SAMD9: variants seen among roughly 807,000 people sequenced by gnomAD.
SAMD9 encodes sterile alpha motif domain containing 9.
SAMD9 carries 3 observed loss-of-function variants against 1.5 expected under a neutral mutation model. That is an observed-to-expected ratio of 2.05 (90% CI 0.93 to 5.29). The LOEUF (loss-of-function observed/expected upper bound fraction) is 5.29, where lower values mean the gene tolerates loss of function less well. SAMD9 is among the 30% of genes most tolerant of loss of function. SAMD9 has a pLI of 0.02. For synonymous variants in SAMD9, 635 were observed against 631.9 expected (o/e 1.00, Z -0.07); for missense variants, 1,597 against 1,820.8 (o/e 0.88, Z 2.24).
chr7:93,114,224 C>T (rs943421739), intron 2 of SAMD9, among the ~76,000 whole-genome samples: 41 of 149,384 alleles, frequency 2.7e-4, no homozygotes, highest in African/African-American at 9.1e-4. Context: ...ACCACATGTT[C>T]TCACTCACAG....
Position 93,101,347 on chromosome 7 carries a change from T to TA in SAMD9, c.4750dup (p.Tyr1584LeufsTer2). On this transcript the variant is annotated frameshift_variant, in exon 3 of 3. Coordinates refer to ENST00000379958, the MANE Select transcript of SAMD9 (RefSeq NM_017654.4). LOFTEE classifies it high-confidence loss of function. ...AGGCTCTTAAACAATTTCAATGTCA[T>TA]AAGCAAGTGGGCCTCCAATGGAAAA... 1 of 1,612,532 alleles carries TA rather than the reference T, an allele frequency of 6.2e-7. No individual in the cohort carries two copies. The highest frequency in any genetic ancestry group is 8.5e-7 in the Non-Finnish European group (1 of 1,179,500).
At position 93,105,290 on chromosome 7, in the gene SAMD9, T is replaced by C; in HGVS notation, c.808A>G (p.Lys270Glu). 1 of 1,614,014 alleles carries C rather than the reference T, an allele frequency of 6.2e-7. No homozygotes were observed. Among genetic ancestry groups the C allele is most frequent in the Non-Finnish European group, 8.5e-7 (1 of 1,179,962 alleles). ...TGGACTTGATGGTCTTCAAAATACT[T>C]GTTTATCATCAGATTGAAATGGTTA... ...LINHFNLMIN[K>E]YFEDHQVQQA... The change falls in exon 3 of 3, where the codon AAG (lysine) becomes GAG (glutamate). Residue 270 changes from lysine to glutamate, a missense_variant. By Grantham distance (56) the Lys-to-Glu change is moderately conservative. Coordinates refer to ENST00000379958, the MANE Select transcript of SAMD9 (RefSeq NM_017654.4).
chr7:93,116,122 T>C (rs74839551), intron 1 of SAMD9, among the ~76,000 whole-genome samples: 1 of 152,228 alleles, frequency 6.6e-6, no homozygotes, highest in Admixed American at 6.5e-5. Flanking sequence ...ATCTCGCCGC[T>C]TCCCACCAGT....
rs1276739934 is a variant in SAMD9 at position 93,101,322 on chromosome 7, A to C, written c.*6T>G. ...ATCAAATTCTTGGAGGAAGAATATC[A>C]GGCTCTTAAACAATTTCAATGTCAT... On this transcript the variant is annotated 3_prime_UTR_variant, in exon 3 of 3. Coordinates refer to ENST00000379958, the MANE Select transcript of SAMD9 (RefSeq NM_017654.4). The C allele has an allele frequency of 1.2e-6, 2 of 1,606,668 alleles. No individual in the cohort carries two copies. Among genetic ancestry groups the C allele is most frequent in the Non-Finnish European group, 1.7e-6 (2 of 1,176,822 alleles).
rs1250745739 is a variant in SAMD9, at chr7:93,102,071, T to C, written c.4027A>G (p.Lys1343Glu). ...RRNLVALKADKFSGLLEYLIK... is the reference protein window; with the variant it reads ...RRNLVALKADEFSGLLEYLIK... ...AGATATTCCAAGAGCCCAGAAAACT[T>C]GTCTGCTTTTAAAGCTACTAGGTTT... is the stretch of plus-strand genomic sequence containing the variant. Residue 1343 changes from lysine to glutamate, a missense_variant, in exon 3 of 3, where the codon AAG (lysine) becomes GAG (glutamate). Physicochemically the swap from Lys to Glu is moderately conservative, Grantham distance 56. This residue lies in a region of SAMD9 where 682 missense variants were observed against 810.0 expected (regional missense o/e 0.84). Coordinates refer to ENST00000379958, the MANE Select transcript of SAMD9 (RefSeq NM_017654.4). 6 of 1,613,026 alleles carry C rather than the reference T, an allele frequency of 3.7e-6. 1 individual carries two copies. In the African/African-American group the frequency reaches 8.0e-5, roughly 22 times the overall value.
chr7:93,109,475 A>T (rs1216473801), intron 2 of SAMD9, among the ~76,000 whole-genome samples: 1 of 152,228 alleles, frequency 6.6e-6, no homozygotes, highest in Non-Finnish European at 1.5e-5. Flanking sequence ...ATGAGAGAAG[A>T]AGTCTTCAAA....
chr7:93,106,414 C>G (rs896249291), intron 2 of SAMD9, among the ~76,000 whole-genome samples: 7 of 152,080 alleles, frequency 4.6e-5, no homozygotes. Context: ...GATAGTTTAT[C>G]CTTATTAATG....
At chr7:93,117,670 T>C (rs1791853689) in intron 1 of SAMD9, among the ~76,000 whole-genome samples, 193 bp downstream of exon 1, 1 of 152,218 alleles carries the variant, frequency 6.6e-6, no homozygotes, top group African/African-American at 2.4e-5. Flanking sequence ...TGAAATGTTA[T>C]GACTAATTTT....
chr7:93,102,097 C>T lies in SAMD9; in HGVS notation c.4001G>A (p.Arg1334Lys). 6.2e-7 allele frequency: 1 copy of T among 1,613,302 alleles called. No individual in the cohort carries two copies. The highest frequency in any genetic ancestry group is 1.1e-5 in the South Asian group (1 of 91,074). The part of the protein sequence containing the change: ...SEPLQVERCR[R>K]NLVALKADKF... ...GTCTGCTTTTAAAGCTACTAGGTTT[C>T]TCCTGCATCTCTCTACTTGAAGTGG... The change falls in exon 3 of 3, where the codon AGA (arginine) becomes AAA (lysine). Residue 1334 changes from arginine to lysine, a missense_variant. Transcript: ENST00000379958.
intron 2 of SAMD9, among the ~76,000 whole-genome samples, chr7:93,113,350 C>G (rs1791777724): frequency 6.6e-6 from 1 of 152,110 alleles, no homozygotes; most frequent in African/African-American, 2.4e-5. Flanking sequence ...CCATAAAAAC[C>G]CTAGAAGGAA....
Position 93,110,830 on chromosome 7 carries a change from G to C in SAMD9, c.-9+3965C>G, listed in dbSNP as rs866341152. Among the ~76,000 whole-genome samples the C allele has an allele frequency of 8.5e-5, 13 of 152,124 alleles. No homozygotes were observed. The South Asian group carries it at 1.5e-3, about 17-fold the overall frequency. ...GCAAGTCCTTAGAGACCTACAAAGA[G>C]ACTTAGACTCCCACACAATAATAAT... On this transcript the variant is annotated intron_variant, in intron 2 of 2. Coordinates refer to ENST00000379958, the MANE Select transcript of SAMD9 (RefSeq NM_017654.4).
In SAMD9 at chr7:93,102,650, T is replaced by G. The variant is rs1262900622; in HGVS notation, c.3448A>C (p.Ile1150Leu). ...GNGNISVDDL[I>L]ALLDLAEHAS... is the part of the protein sequence containing the mutation. The stretch of plus-strand genomic sequence containing the variant: ...TGTTCTGCTAAATCCAAAAGAGCAA[T>G]TAGATCATCAACTGAAATGTTCCCG... The change falls in exon 3 of 3, where the codon ATT (isoleucine) becomes CTT (leucine). Residue 1150 changes from isoleucine to leucine, a missense_variant. This residue lies in a region of SAMD9 where 682 missense variants were observed against 810.0 expected (regional missense o/e 0.84). Coordinates refer to ENST00000379958, the MANE Select transcript of SAMD9 (RefSeq NM_017654.4). 1 of 1,613,750 alleles carries G rather than the reference T, an allele frequency of 6.2e-7. No homozygotes were observed. Among genetic ancestry groups the G allele is most frequent in the East Asian group, 2.2e-5 (1 of 44,888 alleles).
intron 1 of SAMD9, among the ~76,000 whole-genome samples, chr7:93,116,104 C>T (rs1390868251): frequency 6.6e-6 from 1 of 152,218 alleles, no homozygotes; most frequent in Non-Finnish European, 1.5e-5. Flanking sequence ...CTATGGCTCT[C>T]ATCCCCCATC....
Position 93,104,333 on chromosome 7 carries a change from G to C in SAMD9, c.1765C>G (p.Leu589Val). The C allele has an allele frequency of 3.7e-6, 6 of 1,613,724 alleles. No homozygotes were observed. The highest frequency in any genetic ancestry group is 5.1e-6 in the Non-Finnish European group (6 of 1,179,786). The change falls in exon 3 of 3, where the codon CTA becomes GTA. Residue 589 changes from leucine (L) to valine (V), a missense_variant. This residue lies in a region of SAMD9 where 358 missense variants were observed against 460.4 expected (regional missense o/e 0.78). Coordinates refer to ENST00000379958, the MANE Select transcript of SAMD9 (RefSeq NM_017654.4). ...TGTTTTATTAATCTTGCTTCAAGTAGATCTTTCCATCCCTGAAATATGTGT... is the reference window on the plus strand; with the variant it reads ...TGTTTTATTAATCTTGCTTCAAGTACATCTTTCCATCCCTGAAATATGTGT... ...HPHIFQGWKD[L>V]LEARLIKHQD...
Position 93,101,675 on chromosome 7 carries a change from T to C in SAMD9, c.4423A>G (p.Lys1475Glu). 6.2e-7 allele frequency: 1 copy of C among 1,613,786 alleles called. No homozygotes were observed. The highest frequency in any genetic ancestry group is 8.5e-7 in the Non-Finnish European group (1 of 1,179,702). Reference protein sequence around the residue: ...KGQYKHMHRTKQPIAYFFLGK... With the variant: ...KGQYKHMHRTEQPIAYFFLGK... ...AGAAAGAAATATGCAATTGGTTGCTTTGTACGATGCATATGTTTATATTGC... is the reference window on the plus strand; with the variant it reads ...AGAAAGAAATATGCAATTGGTTGCTCTGTACGATGCATATGTTTATATTGC... Residue 1475 changes from lysine (K) to glutamate (E), a missense_variant, in exon 3 of 3, where the codon AAG becomes GAG. This residue lies in a region of SAMD9 where 682 missense variants were observed against 810.0 expected (regional missense o/e 0.84). Transcript: ENST00000379958.
At position 93,102,568 on chromosome 7, in the gene SAMD9, A is replaced by G. The variant is rs1475061694; in HGVS notation, c.3530T>C (p.Val1177Ala). Residue 1177 changes from valine (V) to alanine (A), a missense_variant, in exon 3 of 3, where the codon GTG becomes GCG. By Grantham distance (64) the Val-to-Ala change is moderately conservative. Around this residue, in one of 6 missense-constraint regions of SAMD9, gnomAD observed 682 missense variants for 810.0 expected, o/e 0.84. Transcript: ENST00000379958. Reference protein sequence around the residue: ...QQQSEDREYEVKERLYPKSKR... With the variant: ...QQQSEDREYEAKERLYPKSKR... ...TGACTTCGGATACAATCTTTCCTTC[A>G]CTTCATACTCTCTATCTTCACTTTG... 1 of 1,613,696 alleles carries G rather than the reference A, an allele frequency of 6.2e-7. No individual in the cohort carries two copies. The highest frequency in any genetic ancestry group is 8.5e-7 in the Non-Finnish European group (1 of 1,179,796).
At chr7:93,112,710 CA>C (rs970382826) in intron 2 of SAMD9, among the ~76,000 whole-genome samples, 1 of 152,090 alleles carries the variant, frequency 6.6e-6, no homozygotes, top group Non-Finnish European at 1.5e-5. Context: ...ACAATTGCTT[CA>C]AAGAGAATAA....
chr7:93,117,258 T>TTGTTG (rs374368760), intron 1 of SAMD9, among the ~76,000 whole-genome samples: 5,236 of 150,572 alleles, frequency 0.035, 93 homozygotes, highest in Non-Finnish European at 0.044. Flanking sequence ...TATCTTTCCG[T>TTGTTG]TTGTTGTTGT....
intron 2 of SAMD9, among the ~76,000 whole-genome samples, chr7:93,113,511 C>G (rs927794063): frequency 6.6e-6 from 1 of 152,142 alleles, no homozygotes; most frequent in Non-Finnish European, 1.5e-5. Context: ...TCAGAGTGAA[C>G]AGGCAACCTA....
Sources: allele counts gnomAD v4.1 joint callset (sites outside exome capture counted in the v4.1 genomes callset), GRCh38; gene constraint gnomAD v4.1.1; regional missense constraint gnomAD v4.1.1; transcripts MANE v1.5; gene names NCBI Gene and HGNC (gene_info 2026-07-23, HGNC 2026-07-21).